KLRD1: variants seen among roughly 807,000 people sequenced by gnomAD.
KLRD1 encodes killer cell lectin like receptor D1.
A neutral mutation model predicts 22.6 loss-of-function variants in KLRD1; 21 were observed. The observed-to-expected ratio is 0.93, with a 90% confidence interval of 0.66 to 1.34. The LOEUF (loss-of-function observed/expected upper bound fraction) is 1.34. Among genes scored for constraint, KLRD1 ranks in the 40% most tolerant of loss-of-function variants. The probability of loss-of-function intolerance (pLI) is 0.00; values close to 1 mark genes in which losing one functional copy is unlikely to be tolerated. For synonymous variants in KLRD1, 59 were observed against 71.1 expected, an observed-to-expected ratio of 0.83 and a Z score of 0.85; for missense variants, 183 against 208.6, an observed-to-expected ratio of 0.88 and a Z score of 0.76.
In KLRD1 at chr12:10,329,252, G is replaced by C. The variant is rs1187183056; in HGVS notation, c.*14459G>C. 1 of 151,810 alleles carries C rather than the reference G, an allele frequency of 6.6e-6. No homozygotes were observed. The highest frequency in any genetic ancestry group is 1.5e-5 in the Non-Finnish European group (1 of 67,916). The allele number at this position is 151,810 out of a possible 1,614,324, so 9.4% of individuals were successfully genotyped here. A position where few individuals can be genotyped will look rare whatever the true frequency, so the allele number is the denominator to read the frequency against. On this transcript the variant is annotated 3_prime_UTR_variant, in exon 6 of 6. Transcript: ENST00000336164. Reference sequence around the variant, plus strand: ...TAATGTGTTTTTAAATTTCCCTTTTGATTTATTCTTTGCAGATTGGTTGTT... The same window carrying C: ...TAATGTGTTTTTAAATTTCCCTTTTCATTTATTCTTTGCAGATTGGTTGTT...
intron 1 of KLRD1, among the ~76,000 whole-genome samples, chr12:10,270,007 G>A (rs973824763): frequency 6.6e-6 from 1 of 152,040 alleles, no homozygotes; most frequent in Non-Finnish European, 1.5e-5. Context: ...GCCATAATAA[G>A]TTAACTTTTA....
upstream of KLRD1, among the ~76,000 whole-genome samples, chr12:10,307,068 A>G (rs1171278404): frequency 6.6e-6 from 1 of 152,204 alleles, no homozygotes; most frequent in Admixed American, 6.5e-5. Flanking sequence ...GATTCTTATT[A>G]TAGCCAATCT....
upstream of KLRD1, among the ~76,000 whole-genome samples, chr12:10,301,430 C>T (rs1204720074): frequency 1.3e-5 from 2 of 152,192 alleles, no homozygotes; most frequent in East Asian, 3.8e-4. Context: ...ATCCCCCTTA[C>T]CCTGATCAGT....
intron 1 of KLRD1, among the ~76,000 whole-genome samples, chr12:10,254,086 G>A (rs185116118): frequency 8.5e-5 from 13 of 152,202 alleles, no homozygotes; most frequent in Middle Eastern, 3.4e-3. Context: ...AGCAAAAATT[G>A]ACAAGTGGGA....
intron 1 of KLRD1, among the ~76,000 whole-genome samples, chr12:10,286,662 CTTTTTTTTTTTTT>C (rs747241701): frequency 1.8e-5 from 1 of 54,798 alleles, no homozygotes; most frequent in Non-Finnish European, 3.0e-5. Flanking sequence ...GCTTATGGTG[CTTTTTTTTTTTTT>C]TTTTTTTTTT....
In KLRD1 at chr12:10,326,935, T is replaced by C. The variant is rs572128203; in HGVS notation, c.*12142T>C. On this transcript the variant is annotated 3_prime_UTR_variant, in exon 6 of 6. Transcript: ENST00000336164. ...TGCTATAGTCCTACTTGTCTATTCT[T>C]GCTTTTGTTGCCTGTGCTTTTGGTG... The C allele has an allele frequency of 1.3e-5, 2 of 152,354 alleles. No individual in the cohort carries two copies. The highest frequency in any genetic ancestry group is 4.1e-4 in the South Asian group (2 of 4,832). The allele number at this position is 152,354 out of a possible 1,614,324, so 9.4% of individuals were successfully genotyped here. A position where few individuals can be genotyped will look rare whatever the true frequency, so the allele number is the denominator to read the frequency against.
At chr12:10,239,473 C>CCTTATT (rs72056695) in intron 1 of KLRD1, among the ~76,000 whole-genome samples, 14 of 115,490 alleles carry the variant, frequency 1.2e-4, no homozygotes, top group African/African-American at 3.9e-4. Context: ...TTCCTTCCTT[C>CCTTATT]CTTCCTTCCT....
chr12:10,291,705 A>G (rs1369851783), intron 1 of KLRD1, among the ~76,000 whole-genome samples: 2 of 151,274 alleles, frequency 1.3e-5, no homozygotes, highest in Non-Finnish European at 2.9e-5. Flanking sequence ...TACATGTGCC[A>G]TGGTGGTTTG....
chr12:10,262,902 A>G lies in KLRD1; in HGVS notation c.-101+36669A>G, dbSNP rs149299660. On this transcript the variant is annotated intron_variant, in intron 1 of 5. Transcript: ENST00000544747. ...ACTTATGAAATATATTTATGAGTCA[A>G]TGACTGGTGATTTAATAAGCACATG... Among the ~76,000 whole-genome samples, 99 of 152,166 alleles carry G rather than the reference A, an allele frequency of 6.5e-4. 1 individual carries two copies. Among genetic ancestry groups the G allele is most frequent in the East Asian group, 6.2e-3 (32 of 5,192 alleles).
intron 1 of KLRD1, among the ~76,000 whole-genome samples, chr12:10,255,511 C>T (rs996472476): frequency 6.6e-6 from 1 of 151,950 alleles, no homozygotes; most frequent in East Asian, 1.9e-4. Flanking sequence ...TGTTGCATCC[C>T]GTATGTTTTG....
At chr12:10,260,867 G>T (rs917063770) in intron 1 of KLRD1, among the ~76,000 whole-genome samples, 1 of 152,066 alleles carries the variant, frequency 6.6e-6, no homozygotes, top group African/African-American at 2.4e-5. Flanking sequence ...GCATGAACCC[G>T]GGAGGTGGAG....
intron 4 of KLRD1, 112 bp from the exon 5 acceptor site, chr12:10,313,298 T>TTG: frequency 1.8e-6 from 1 of 542,644 alleles, no homozygotes; most frequent in Non-Finnish European, 3.2e-6. Context: ...TAATTTCCGT[T>TTG]TGTGTGATGG....
At chr12:10,273,139 A>G (rs1488415762) in intron 1 of KLRD1, among the ~76,000 whole-genome samples, 2 of 152,204 alleles carry the variant, frequency 1.3e-5, no homozygotes, top group African/African-American at 4.8e-5. Context: ...AAAAAGTAAA[A>G]TAACTGTCAA....
At chr12:10,239,680 T>C (rs10845079) in intron 1 of KLRD1, among the ~76,000 whole-genome samples, 100,930 of 150,134 alleles carry the variant, frequency 0.67, 37,848 homozygotes, top group Non-Finnish European at 0.86. Context: ...CTCACTCTGT[T>C]GCCCAGGCTG....
At position 10,329,426 on chromosome 12, in the gene KLRD1, A is replaced by G. The variant is rs184377431; in HGVS notation, c.*14633A>G. On this transcript the variant is annotated 3_prime_UTR_variant, in exon 6 of 6. Transcript: ENST00000336164. ...GACTTCTTTTATGACCTAACATATG[A>G]TCTATCCTGCAGAATGATCCATGTG... 21 of 152,272 alleles carry G rather than the reference A, an allele frequency of 1.4e-4. No individual in the cohort carries two copies. The East Asian group carries it at 3.5e-3, about 25-fold the overall frequency. 9.4% of individuals were successfully genotyped at this position (152,272 alleles called of 1,614,324 possible). A position where few individuals can be genotyped will look rare whatever the true frequency, so the allele number is the denominator to read the frequency against.
At chr12:10,271,462 G>T (rs900842195) in intron 1 of KLRD1, among the ~76,000 whole-genome samples, 1 of 152,124 alleles carries the variant, frequency 6.6e-6, no homozygotes, top group Middle Eastern at 3.4e-3. Flanking sequence ...GTAGGGACAA[G>T]AAATCAATCC....
chr12:10,247,044 TG>T (rs1199485319), intron 1 of KLRD1, among the ~76,000 whole-genome samples: 2 of 151,394 alleles, frequency 1.3e-5, no homozygotes, highest in African/African-American at 4.9e-5. Flanking sequence ...GTGATTCTCC[TG>T]CCTTAGCCTC....
chr12:10,245,045 CTG>C (rs1296598369), intron 1 of KLRD1, among the ~76,000 whole-genome samples: 1 of 152,064 alleles, frequency 6.6e-6, no homozygotes, highest in Non-Finnish European at 1.5e-5. Context: ...TATAAGGACA[CTG>C]AGGATTATCA....
rs1004796138 is a variant in KLRD1 at position 10,323,653 on chromosome 12, C to A, written c.*8860C>A. ...CTACTAACCTCAAAAGTATCCTTTC[C>A]CCTATGTATAAAATACTTCCTCTTG... On this transcript the variant is annotated 3_prime_UTR_variant, in exon 6 of 6. Coordinates refer to ENST00000336164, the MANE Select transcript of KLRD1 (RefSeq NM_002262.5). The A allele has an allele frequency of 1.3e-5, 2 of 151,958 alleles. No individual in the cohort carries two copies. The highest frequency in any genetic ancestry group is 4.8e-5 in the African/African-American group (2 of 41,366). 9.4% of individuals were successfully genotyped at this position (151,958 alleles called of 1,614,324 possible).
Sources: allele counts gnomAD v4.1 joint callset (sites outside exome capture counted in the v4.1 genomes callset), GRCh38; gene constraint gnomAD v4.1.1; transcripts MANE v1.5; gene names NCBI Gene and HGNC (gene_info 2026-07-23, HGNC 2026-07-21).